Variants in SPTBN4 observed in about 807,000 individuals in gnomAD.
The protein encoded by SPTBN4 is spectrin beta, non-erythrocytic 4.
SPTBN4 carries 96 observed loss-of-function variants against 277.8 expected under a neutral mutation model. The ratio of observed to expected loss-of-function variants is 0.35; its 90% CI spans 0.29 to 0.41. The LOEUF (loss-of-function observed/expected upper bound fraction) is 0.41, where lower values mean the gene tolerates loss of function less well. Ranked by LOEUF, SPTBN4 falls within the 10% of genes least tolerant of loss-of-function variation. The pLI is 1.00. For missense variants in SPTBN4, 3,006 were observed against 3,595.7 expected (o/e 0.84, Z 4.19); for synonymous variants, 1,481 against 1,580.3 (o/e 0.94, Z 1.49).
chr19:40,491,310 G>A (rs897157315), intron 4 of SPTBN4, among the ~76,000 whole-genome samples: 13 of 152,282 alleles, frequency 8.5e-5, no homozygotes, highest in African/African-American at 2.9e-4. Context: ...GGGAGGCAAC[G>A]GGAGACATGG....
At chr19:40,572,411 G>A (rs777733848) in intron 35 of SPTBN4, 31 bp downstream of exon 35, 47 of 1,613,924 alleles carry the variant, frequency 2.9e-5, no homozygotes, top group East Asian at 4.5e-5. Context: ...CCCTCTGTGT[G>A]GACCTCAGTA....
Position 40,494,969 on chromosome 19 carries a change from C to T in SPTBN4, c.660C>T (p.His220=). 1.2e-6 allele frequency: 2 copies of T among 1,614,174 alleles called. No individual in the cohort carries two copies. The highest frequency in any genetic ancestry group is 1.7e-6 in the Non-Finnish European group (2 of 1,180,018). Residue 220 remains histidine (H), a synonymous_variant, in exon 6 of 36, where the codon CAC becomes CAT. Transcript: ENST00000598249. ...RDGLAFNALI[H]RHRPDLVDFS... is the part of the protein sequence containing the mutation. ...GCTTGGCCTTCAATGCCCTCATTCA[C>T]CGGCACAGGTACCACCTGGCCTGGG...
In SPTBN4 at chr19:40,475,792, T is replaced by A. The variant is rs560562802; in HGVS notation, c.169+3002T>A. On this transcript the variant is annotated intron_variant, in intron 2 of 35. Coordinates refer to ENST00000598249, the MANE Select transcript of SPTBN4 (RefSeq NM_020971.3). ...ACCTGGCTGATCTAGAAACCTGTAG[T>A]CCCAGCACTTTGAGAGGCCGAGGCG... is the stretch of plus-strand genomic sequence containing the variant. Among the ~76,000 whole-genome samples the A allele has an allele frequency of 6.1e-5, 9 of 147,850 alleles. No homozygotes were observed. In the East Asian group the frequency reaches 1.7e-3, roughly 29 times the overall value.
At chr19:40,569,255 G>A (rs1051450978) in intron 31 of SPTBN4, among the ~76,000 whole-genome samples, 2 of 151,856 alleles carry the variant, frequency 1.3e-5, no homozygotes, top group African/African-American at 2.4e-5. Flanking sequence ...GCAAAACCCT[G>A]TCTCTACTAA....
chr19:40,512,679 G>T lies in SPTBN4; in HGVS notation c.1890G>T (p.Gln630His), dbSNP rs1265533886. The T allele has an allele frequency of 6.5e-7, 1 of 1,532,132 alleles. No individual in the cohort carries two copies. Among genetic ancestry groups the T allele is most frequent in the Non-Finnish European group, 8.7e-7 (1 of 1,146,326 alleles). 94.9% of individuals were successfully genotyped at this position (1,532,132 alleles called of 1,614,324 possible). ...NHVHGCLAELQEQAARRRAEL... is the reference protein window; with the variant it reads ...NHVHGCLAELHEQAARRRAEL... ...TGCACGGCTGCCTGGCGGAGCTGCA[G>T]GAGCAGGCAGCGCGGCGACGCGCGG... is the stretch of plus-strand genomic sequence containing the variant. The change falls in exon 14 of 36, where the codon CAG becomes CAT. Residue 630 changes from glutamine (Q) to histidine (H), a missense_variant. Physicochemically the swap from Gln to His is conservative, Grantham distance 24. Transcript: ENST00000598249.
intron 20 of SPTBN4, chr19:40,534,621 C>G (rs2080714801): frequency 2.3e-6 from 1 of 432,434 alleles, no homozygotes; most frequent in South Asian, 2.9e-5. Context: ...TTCACAGGAC[C>G]CTGACACTCA....
At chr19:40,525,976 G>A (rs1304606961) in intron 17 of SPTBN4, among the ~76,000 whole-genome samples, 1 of 152,000 alleles carries the variant, frequency 6.6e-6, no homozygotes, top group African/African-American at 2.4e-5. Context: ...CCTGTGGGAG[G>A]AGTGGGAGGA....
chr19:40,508,435 C>T (rs2080354120), intron 13 of SPTBN4, among the ~76,000 whole-genome samples: 1 of 152,126 alleles, frequency 6.6e-6, no homozygotes, highest in African/African-American at 2.4e-5. Flanking sequence ...GCCTGTAATC[C>T]CAGCACTTTG....
chr19:40,516,550 G>A (rs1054844826), intron 15 of SPTBN4, among the ~76,000 whole-genome samples: 5 of 152,074 alleles, frequency 3.3e-5, no homozygotes, highest in African/African-American at 4.8e-5. Context: ...TCGGCTGGGC[G>A]TGGTAGCTCA....
At chr19:40,540,584 G>A (rs2080788919) in intron 20 of SPTBN4, among the ~76,000 whole-genome samples, 1 of 151,896 alleles carries the variant, frequency 6.6e-6, no homozygotes, top group African/African-American at 2.4e-5. Flanking sequence ...ATTGGGCACA[G>A]TGGCTCATGC....
At position 40,513,057 on chromosome 19, in the gene SPTBN4, G is replaced by A. The variant is rs1483286427; in HGVS notation, c.2268G>A (p.Gln756=). 7.8e-6 allele frequency: 11 copies of A among 1,405,852 alleles called. No individual in the cohort carries two copies. In the East Asian group the frequency reaches 3.1e-4, roughly 40 times the overall value. The allele number at this position is 1,405,852 out of a possible 1,614,324, so 87.1% of individuals were successfully genotyped here. A position where few individuals can be genotyped will look rare whatever the true frequency, so the allele number is the denominator to read the frequency against. ...ERAASARRRW[Q]RLEEAAARRE... is the part of the protein sequence containing the mutation. Reference sequence around the variant, plus strand: ...CGGCGAGCGCCCGGCGCCGCTGGCAGAGGCTGGAAGAGGCGGCGGCGCGGC... The same window carrying A: ...CGGCGAGCGCCCGGCGCCGCTGGCAAAGGCTGGAAGAGGCGGCGGCGCGGC... Residue 756 remains glutamine (Q), a synonymous_variant, in exon 14 of 36, where the codon CAG becomes CAA. Transcript: ENST00000598249.
chr19:40,518,224 T>A (rs1599757506), intron 15 of SPTBN4, among the ~76,000 whole-genome samples: 1 of 152,072 alleles, frequency 6.6e-6, no homozygotes, highest in Admixed American at 6.6e-5. Flanking sequence ...GAGAATCCCA[T>A]GAACCTGGGA....
intron 20 of SPTBN4, among the ~76,000 whole-genome samples, chr19:40,544,203 C>T (rs997232941): frequency 1.3e-5 from 2 of 149,948 alleles, no homozygotes; most frequent in African/African-American, 2.5e-5. Context: ...AGCGCAATGG[C>T]GCGATCTCAG....
intron 12 of SPTBN4, 126 bp downstream of exon 12, chr19:40,504,258 A>C: frequency 2.0e-6 from 2 of 1,006,974 alleles, no homozygotes; most frequent in Non-Finnish European, 1.4e-6. Flanking sequence ...GATAGAGAGA[A>C]AGCCAGGGAG....
Position 40,521,081 on chromosome 19 carries a change from T to C in SPTBN4, c.3654+930T>C, listed in dbSNP as rs200528722. 9.9e-5 allele frequency among the ~76,000 whole-genome samples: 15 copies of C among 152,242 alleles called. No homozygotes were observed. The East Asian group carries it at 2.3e-3, about 24-fold the overall frequency. On this transcript the variant is annotated intron_variant, in intron 16 of 35. Transcript: ENST00000598249. ...CTGGGACTACAGGCGCGAGCCACCATGACCAGCTAATTTTTGTATTTTTAG... is the reference window on the plus strand; with the variant it reads ...CTGGGACTACAGGCGCGAGCCACCACGACCAGCTAATTTTTGTATTTTTAG...
At position 40,549,338 on chromosome 19, in the gene SPTBN4, G is replaced by T. The variant is rs907966500; in HGVS notation, c.4509G>T (p.Pro1503=). The change falls in exon 21 of 36, where the codon CCG becomes CCT. Residue 1503 remains proline (P), a synonymous_variant. Coordinates refer to ENST00000598249, the MANE Select transcript of SPTBN4 (RefSeq NM_020971.3). ...AGCGCCTGGTGCGCCTGCTCGAGCC[G>T]TTGCAGGAGCGCCGCCGCTTGCTGC... The part of the protein sequence containing the change: ...VGERLVRLLE[P]LQERRRLLLA... 8.4e-5 allele frequency: 129 copies of T among 1,536,864 alleles called. No individual in the cohort carries two copies. Among genetic ancestry groups the T allele is most frequent in the Admixed American group, 1.2e-4 (6 of 50,800 alleles).
chr19:40,540,071 C>T (rs922436918), intron 20 of SPTBN4, among the ~76,000 whole-genome samples: 1 of 151,768 alleles, frequency 6.6e-6, no homozygotes, highest in Non-Finnish European at 1.5e-5. Context: ...GGACTATAGG[C>T]ACCCGCCACC....
intron 7 of SPTBN4, 73 bp from the exon 8 acceptor site, chr19:40,501,840 TCTCCATCC>T: frequency 8.5e-7 from 1 of 1,183,034 alleles, no homozygotes; most frequent in Non-Finnish European, 1.3e-6. Flanking sequence ...GAGAGTGGCT[TCTCCATCC>T]CTCCATCCAA....
intron 2 of SPTBN4, among the ~76,000 whole-genome samples, chr19:40,481,252 C>T (rs1175445362): frequency 1.3e-5 from 2 of 152,140 alleles, no homozygotes; most frequent in Middle Eastern, 3.4e-3. Flanking sequence ...GACAAGGTCC[C>T]GCTATGTTGC....
Sources: gnomAD v4.1 joint callset for allele counts (sites outside exome capture counted in the v4.1 genomes callset) on GRCh38, gnomAD v4.1.1 for gene constraint, MANE v1.5 for transcripts, NCBI Gene and HGNC (gene_info 2026-07-23, HGNC 2026-07-21) for gene names.